Variants in CASD1 observed in about 807,000 individuals in gnomAD.
CASD1 encodes the protein N-acetylneuraminate (7)9-O-acetyltransferase.
A neutral mutation model predicts 100.0 loss-of-function variants in CASD1; 41 were observed. The observed-to-expected ratio is 0.41, with a 90% CI of 0.32 to 0.53. The LOEUF is 0.53. Ranked by LOEUF, CASD1 falls within the 20% of genes least tolerant of loss-of-function variation. The pLI is 0.25. For synonymous variants in CASD1, 321 were observed against 315.6 expected, an observed-to-expected ratio of 1.02 and a Z score of -0.18; for missense variants, 774 against 948.7, an observed-to-expected ratio of 0.82 and a Z score of 2.42.
At chr7:94,605,856 GAC>G in the CASD1 span, among the ~76,000 whole-genome samples, 35 of 152,106 alleles carry the variant, frequency 2.3e-4, 1 homozygote, top group South Asian at 4.4e-3. Flanking sequence ...TTATTTTTGA[GAC>G]ACAGTCTCGC....
At chr7:94,536,840 A>G (rs936698323) in intron 8 of CASD1, among the ~76,000 whole-genome samples, 2 of 152,344 alleles carry the variant, frequency 1.3e-5, no homozygotes, top group African/African-American at 2.4e-5. Flanking sequence ...TAATCAAACC[A>G]TGTTGAAGGT....
the CASD1 span, among the ~76,000 whole-genome samples, chr7:94,577,592 A>G: frequency 6.6e-6 from 1 of 152,148 alleles, no homozygotes; most frequent in African/African-American, 2.4e-5. Context: ...TTTCCTGAGC[A>G]GTCACACAGC....
At chr7:94,586,366 C>T in the CASD1 span, among the ~76,000 whole-genome samples, 1 of 152,154 alleles carries the variant, frequency 6.6e-6, no homozygotes, top group Non-Finnish European at 1.5e-5. Context: ...TAAATCCATG[C>T]ATTTTCAGAT....
At chr7:94,587,955 A>G in the CASD1 span, 5 of 1,428,906 alleles carry the variant, frequency 3.5e-6, no homozygotes. Flanking sequence ...AGAATTCCAC[A>G]CCCAACTTAC....
At chr7:94,560,977 A>G (rs747714636), downstream of CASD1, among the ~76,000 whole-genome samples, 2 of 152,198 alleles carry the variant, frequency 1.3e-5, no homozygotes. Flanking sequence ...CAAAAACATA[A>G]TAGAAAAAAT....
intron 3 of CASD1, chr7:94,524,277 A>G (rs1311481267): frequency 6.6e-6 from 1 of 152,158 alleles, no homozygotes; most frequent in East Asian, 1.9e-4. Context: ...AAGATACCTT[A>G]AAGAAAAAAG....
At chr7:94,523,580 T>C (rs1312626389) in intron 3 of CASD1, among the ~76,000 whole-genome samples, 1 of 152,232 alleles carries the variant, frequency 6.6e-6, no homozygotes, top group Non-Finnish European at 1.5e-5. Flanking sequence ...TGGAATATAA[T>C]ATACTGTTTC....
rs146735837 is a variant in CASD1, at chr7:94,533,216, A to G, written c.471A>G (p.Ala157=). The part of the protein sequence containing the change: ...CIKVWTEDSI[A]KPHVIVAGAA... ...TTGTCTTCCTTTAGGATTCCATTGC[A>G]AAGCCACATGTGATTGTAGCAGGAG... Residue 157 remains alanine (A), a synonymous_variant, in exon 6 of 18, where the codon GCA becomes GCG. Coordinates refer to ENST00000297273, the MANE Select transcript of CASD1 (RefSeq NM_022900.5). The G allele has an allele frequency of 1.9e-6, 3 of 1,608,930 alleles. No individual in the cohort carries two copies. Among genetic ancestry groups the G allele is most frequent in the African/African-American group, 2.7e-5 (2 of 74,872 alleles).
the CASD1 span, among the ~76,000 whole-genome samples, chr7:94,611,089 A>G: frequency 7.9e-5 from 12 of 152,316 alleles, no homozygotes; most frequent in South Asian, 6.2e-4. Context: ...CAGTCTGGCA[A>G]TTCCTCAAAA....
chr7:94,575,156 T>A, the CASD1 span, among the ~76,000 whole-genome samples: 8 of 152,352 alleles, frequency 5.3e-5, no homozygotes, highest in East Asian at 1.5e-3. Flanking sequence ...TAATTTAAGA[T>A]CTTCCCAACT....
chr7:94,619,083 G>A, the CASD1 span: 31 of 711,890 alleles, frequency 4.4e-5, no homozygotes, highest in Non-Finnish European at 6.8e-5. Context: ...TATTAATACT[G>A]ACTTTAAAGG....
the CASD1 span, chr7:94,598,665 C>T: frequency 1.2e-6 from 1 of 827,434 alleles, no homozygotes; most frequent in Non-Finnish European, 2.1e-6. Flanking sequence ...TTGTTATTTT[C>T]TCTTCCAGTT....
chr7:94,536,498 G>C (rs1562941739), intron 8 of CASD1, among the ~76,000 whole-genome samples: 1 of 152,088 alleles, frequency 6.6e-6, no homozygotes, highest in Non-Finnish European at 1.5e-5. Flanking sequence ...CAATGGTTTT[G>C]TTCTTCTCCT....
At chr7:94,604,806 AATATATATATATATATATAT>A in the CASD1 span, among the ~76,000 whole-genome samples, 1,034 of 44,370 alleles carry the variant, frequency 0.023, 30 homozygotes, top group Non-Finnish European at 0.032. Flanking sequence ...ATGGTGCTGG[AATATATATATATATATATAT>A]ATATATATAT....
the CASD1 span, chr7:94,598,676 A>T: frequency 1.1e-6 from 1 of 886,494 alleles, no homozygotes; most frequent in Non-Finnish European, 1.9e-6. Flanking sequence ...TCTTCCAGTT[A>T]TAAACAAACA....
At chr7:94,518,428 T>G in intron 3 of CASD1, 105 bp downstream of exon 3, 1 of 921,440 alleles carries the variant, frequency 1.1e-6, no homozygotes, top group Non-Finnish European at 1.6e-6. Flanking sequence ...TGAAAAAATT[T>G]TACTTTGATT....
chr7:94,512,739 T>G (rs1793778009), intron 1 of CASD1, among the ~76,000 whole-genome samples: 1 of 152,250 alleles, frequency 6.6e-6, no homozygotes, highest in South Asian at 2.1e-4. Flanking sequence ...TTTAAAACTT[T>G]GATTGCATGT....
At chr7:94,530,673 A>G (rs576124229) in intron 5 of CASD1, among the ~76,000 whole-genome samples, 1 of 152,262 alleles carries the variant, frequency 6.6e-6, no homozygotes, top group South Asian at 2.1e-4. Flanking sequence ...AATGGAAGTC[A>G]TTAAGTCTGA....
chr7:94,587,472 A>C, the CASD1 span: 10 of 1,246,850 alleles, frequency 8.0e-6, no homozygotes, highest in Admixed American at 4.4e-5. Flanking sequence ...ATAACGAAGA[A>C]GTTCTATCAT....
Sources: allele counts gnomAD v4.1 joint callset (sites outside exome capture counted in the v4.1 genomes callset), GRCh38; gene constraint gnomAD v4.1.1; transcripts MANE v1.5; gene names NCBI Gene and HGNC (gene_info 2026-07-23, HGNC 2026-07-21).